The following C12orf42 variants were observed in gnomAD, a reference collection of about 807,000 sequenced individuals.
The protein encoded by C12orf42 is uncharacterized protein C12orf42.
A neutral mutation model predicts 21.6 loss-of-function variants in C12orf42; 25 were observed. That is an observed-to-expected ratio of 1.16 (90% CI 0.84 to 1.62). The LOEUF is 1.62. Among genes scored for constraint, C12orf42 ranks in the 40% most tolerant of loss-of-function variants. C12orf42 has a pLI of 0.00. For missense variants in C12orf42, 483 were observed against 459.3 expected (o/e 1.05, Z -0.47); for synonymous variants, 174 against 175.0 (o/e 0.99, Z 0.05).
At chr12:103,488,752 G>A (rs1955000142) in intron 1 of C12orf42, among the ~76,000 whole-genome samples, 1 of 152,282 alleles carries the variant, frequency 6.6e-6, no homozygotes, top group Middle Eastern at 3.4e-3. Flanking sequence ...GGCTATTGAA[G>A]CTTGTGCATG....
intron 3 of C12orf42, among the ~76,000 whole-genome samples, chr12:103,380,629 T>C (rs945230743): frequency 2.6e-5 from 4 of 152,198 alleles, no homozygotes; most frequent in Non-Finnish European, 4.4e-5. Context: ...GCTGAGATTC[T>C]CCAAACCATA....
At chr12:103,140,634 A>T in the C12orf42 span, among the ~76,000 whole-genome samples, 1 of 152,194 alleles carries the variant, frequency 6.6e-6, no homozygotes, top group Non-Finnish European at 1.5e-5. Context: ...TTTAAACAGA[A>T]CAGATTGCTG....
chr12:103,072,941 T>G, the C12orf42 span, among the ~76,000 whole-genome samples: 23,292 of 152,178 alleles, frequency 0.15, 2,282 homozygotes, highest in East Asian at 0.51. Context: ...TACCCATCAA[T>G]GATAGACTGG....
chr12:103,062,611 A>T, the C12orf42 span, among the ~76,000 whole-genome samples: 1 of 152,024 alleles, frequency 6.6e-6, no homozygotes, highest in Non-Finnish European at 1.5e-5. Context: ...CAAAACCATG[A>T]TTACTTTTGC....
chr12:103,166,063 A>AAG, the C12orf42 span, among the ~76,000 whole-genome samples: 3 of 149,170 alleles, frequency 2.0e-5, no homozygotes, highest in Non-Finnish European at 4.4e-5. Flanking sequence ...AGAAAAAAGA[A>AAG]AGAGAGAGAG....
At chr12:103,099,824 A>G in the C12orf42 span, among the ~76,000 whole-genome samples, 1 of 152,040 alleles carries the variant, frequency 6.6e-6, no homozygotes, top group African/African-American at 2.4e-5. Flanking sequence ...ATGACGTTTT[A>G]TAGACAACTT....
chr12:103,255,158 G>A (rs890387428), intron 10 of C12orf42, among the ~76,000 whole-genome samples: 1 of 152,076 alleles, frequency 6.6e-6, no homozygotes, highest in Non-Finnish European at 1.5e-5. Flanking sequence ...AAATCACGAG[G>A]TCAAGAGATT....
chr12:103,344,477 C>G (rs1164009257), intron 4 of C12orf42, among the ~76,000 whole-genome samples: 1 of 152,142 alleles, frequency 6.6e-6, no homozygotes, highest in Non-Finnish European at 1.5e-5. Context: ...TTGCCTGGTT[C>G]CAATTGGTGA....
the C12orf42 span, among the ~76,000 whole-genome samples, chr12:103,200,010 T>C: frequency 6.6e-6 from 1 of 152,142 alleles, no homozygotes; most frequent in African/African-American, 2.4e-5. Flanking sequence ...AATCAGGATC[T>C]GGAAGAGATA....
At chr12:103,056,877 A>G in the C12orf42 span, among the ~76,000 whole-genome samples, 1 of 151,910 alleles carries the variant, frequency 6.6e-6, no homozygotes. Context: ...TTCTGCTAAG[A>G]TTTTTTATTT....
At chr12:103,345,452 A>C (rs1169848614) in intron 4 of C12orf42, among the ~76,000 whole-genome samples, 1 of 152,208 alleles carries the variant, frequency 6.6e-6, no homozygotes, top group Non-Finnish European at 1.5e-5. Context: ...TCATTATTCC[A>C]GTGCCATCCA....
chr12:103,306,223 G>A lies in C12orf42; in HGVS notation c.382C>T (p.Arg128Cys), dbSNP rs1443958877. 3.7e-6 allele frequency: 6 copies of A among 1,613,778 alleles called. No individual in the cohort carries two copies. Among genetic ancestry groups the A allele is most frequent in the South Asian group, 3.3e-5 (3 of 91,092 alleles). ...SFDEESYEEF[R>C]SSPAPSSETD... ...TCACTGGATGGTGCTGGAGAGGAAC[G>A]GAATTCTTCATAGCTTTCTTCATCA... Residue 128 changes from arginine to cysteine, a missense_variant, in exon 5 of 6, where the codon CGT becomes TGT. Coordinates refer to ENST00000548883, the MANE Select transcript of C12orf42 (RefSeq NM_198521.5).
At chr12:103,230,397 A>G in the C12orf42 span, among the ~76,000 whole-genome samples, 2 of 152,190 alleles carry the variant, frequency 1.3e-5, no homozygotes, top group African/African-American at 2.4e-5. Flanking sequence ...CTGGCTTGGT[A>G]CCAAGGAGGA....
chr12:103,199,531 G>C, the C12orf42 span, among the ~76,000 whole-genome samples: 4 of 152,262 alleles, frequency 2.6e-5, no homozygotes, highest in East Asian at 7.7e-4. Context: ...GCGACTGACA[G>C]AATGGGGGAA....
chr12:103,496,775 C>A (rs11111613), upstream of C12orf42, among the ~76,000 whole-genome samples: 1,460 of 147,714 alleles, frequency 9.9e-3, 207 homozygotes, highest in East Asian at 0.24. Flanking sequence ...ACCCTCCCCA[C>A]CACCCCACAC....
At chr12:103,223,275 A>C in the C12orf42 span, among the ~76,000 whole-genome samples, 5 of 152,088 alleles carry the variant, frequency 3.3e-5, no homozygotes, top group South Asian at 2.1e-4. Flanking sequence ...GGGAACCTAG[A>C]GTGGGAGAGA....
At chr12:103,445,002 C>T (rs564067190) in intron 2 of C12orf42, among the ~76,000 whole-genome samples, 143 of 151,608 alleles carry the variant, frequency 9.4e-4, no homozygotes, top group African/African-American at 3.0e-3. Context: ...AGTAATAAAC[C>T]ATAAACATAA....
the C12orf42 span, among the ~76,000 whole-genome samples, chr12:103,089,019 G>A: frequency 7.1e-6 from 1 of 141,366 alleles, no homozygotes; most frequent in African/African-American, 2.6e-5. Flanking sequence ...GGAGAAAGGC[G>A]TGAACCCGGG....
the C12orf42 span, among the ~76,000 whole-genome samples, chr12:103,511,948 T>C: frequency 6.6e-6 from 1 of 152,174 alleles, no homozygotes; most frequent in African/African-American, 2.4e-5. Flanking sequence ...TACACTTTAA[T>C]TGACTAAAAC....
Sources: gnomAD v4.1 joint callset for allele counts (sites outside exome capture counted in the v4.1 genomes callset) on GRCh38, gnomAD v4.1.1 for gene constraint, MANE v1.5 for transcripts, NCBI Gene and HGNC (gene_info 2026-07-23, HGNC 2026-07-21) for gene names.